The following CNTNAP2 variants were observed in gnomAD, a reference collection of about 807,000 sequenced individuals.
CNTNAP2 encodes contactin-associated protein-like 2.
A neutral mutation model predicts 155.2 loss-of-function variants in CNTNAP2; 98 were observed. That is an observed-to-expected ratio of 0.63 (90% CI 0.54 to 0.75). The LOEUF (loss-of-function observed/expected upper bound fraction) is 0.75, where lower values mean the gene tolerates loss of function less well. CNTNAP2 is among the 30% of genes least tolerant of loss of function. The pLI, the probability that CNTNAP2 is intolerant of heterozygous loss-of-function variation, is 0.00. For missense variants in CNTNAP2, 1,727 were observed against 1,688.1 expected (o/e 1.02, Z -0.40); for synonymous variants, 651 against 631.2 (o/e 1.03, Z -0.47).
chr7:146,345,007 G>C (rs192711033), intron 1 of CNTNAP2, among the ~76,000 whole-genome samples: 42 of 152,312 alleles, frequency 2.8e-4, no homozygotes, highest in African/African-American at 8.9e-4. Flanking sequence ...TCAATGAACA[G>C]ATGGTTCTGC....
At chr7:147,727,148 A>G (rs1316281457) in intron 13 of CNTNAP2, among the ~76,000 whole-genome samples, 2 of 151,996 alleles carry the variant, frequency 1.3e-5, no homozygotes, top group Non-Finnish European at 2.9e-5. Context: ...TAGCATCCTG[A>G]GTGCCTCCCC....
chr7:146,787,293 C>T (rs181439389), intron 2 of CNTNAP2, among the ~76,000 whole-genome samples: 69 of 152,242 alleles, frequency 4.5e-4, no homozygotes, highest in African/African-American at 1.0e-3. Flanking sequence ...TTTTTGGTCT[C>T]GCTGACTTCA....
intron 9 of CNTNAP2, among the ~76,000 whole-genome samples, chr7:147,375,648 G>C (rs1286213339): frequency 6.6e-6 from 1 of 151,960 alleles, no homozygotes; most frequent in African/African-American, 2.4e-5. Flanking sequence ...TTCTGGCATT[G>C]AGTGGTGTAG....
chr7:147,144,439 A>G (rs1801660067), intron 8 of CNTNAP2, among the ~76,000 whole-genome samples: 1 of 152,184 alleles, frequency 6.6e-6, no homozygotes, highest in Non-Finnish European at 1.5e-5. Context: ...AATAGAGCTA[A>G]CACATTCTCC....
intron 1 of CNTNAP2, among the ~76,000 whole-genome samples, chr7:146,258,715 G>A (rs936258605): frequency 1.3e-5 from 2 of 152,106 alleles, no homozygotes; most frequent in African/African-American, 4.8e-5. Flanking sequence ...CCTGATTTAC[G>A]AATATAAAGC....
chr7:148,012,516 T>C (rs1025902246), intron 15 of CNTNAP2, among the ~76,000 whole-genome samples: 2 of 152,208 alleles, frequency 1.3e-5, no homozygotes, highest in African/African-American at 4.8e-5. Context: ...CAATACTGTA[T>C]GGTGCTCTTC....
At chr7:146,534,259 C>T (rs981008628) in intron 1 of CNTNAP2, among the ~76,000 whole-genome samples, 95 of 152,034 alleles carry the variant, frequency 6.2e-4, no homozygotes, top group African/African-American at 2.2e-3. Context: ...GATACTTTCT[C>T]GTATTCTGGG....
chr7:146,692,233 T>C (rs140390620), intron 1 of CNTNAP2, among the ~76,000 whole-genome samples: 18 of 152,322 alleles, frequency 1.2e-4, no homozygotes, highest in African/African-American at 4.1e-4. Flanking sequence ...AACATTTACA[T>C]AGAGACCTGT....
intron 13 of CNTNAP2, among the ~76,000 whole-genome samples, chr7:147,862,847 C>T (rs118180701): frequency 0.011 from 1,671 of 152,196 alleles, 91 homozygotes; most frequent in Admixed American, 0.09. Flanking sequence ...ATTCACAACA[C>T]TAAAGATACA....
chr7:147,878,488 T>C (rs959128254), intron 13 of CNTNAP2, among the ~76,000 whole-genome samples: 9 of 152,138 alleles, frequency 5.9e-5, no homozygotes, highest in African/African-American at 2.2e-4. Context: ...AAAGTTATTG[T>C]TTGTTATATA....
intron 15 of CNTNAP2, among the ~76,000 whole-genome samples, chr7:148,076,009 G>A (rs577076748): frequency 6.6e-6 from 1 of 152,268 alleles, no homozygotes; most frequent in African/African-American, 2.4e-5. Flanking sequence ...ATTTAGACAA[G>A]TAAACACCTG....
intron 3 of CNTNAP2, among the ~76,000 whole-genome samples, chr7:147,029,163 C>T (rs1008543979): frequency 1.1e-4 from 16 of 151,776 alleles, no homozygotes; most frequent in Non-Finnish European, 1.6e-4. Context: ...CGGGATTTCA[C>T]CATGTTAGCC....
chr7:147,652,929 C>T (rs1168544182), intron 13 of CNTNAP2, among the ~76,000 whole-genome samples: 1 of 152,078 alleles, frequency 6.6e-6, no homozygotes, highest in Non-Finnish European at 1.5e-5. Context: ...TTTATAAGAG[C>T]TGCACAAACT....
intron 2 of CNTNAP2, among the ~76,000 whole-genome samples, chr7:146,837,446 TA>T: frequency 6.6e-6 from 1 of 152,276 alleles, no homozygotes; most frequent in Admixed American, 6.5e-5. Flanking sequence ...TTTGCATTTT[TA>T]AAAAATGTTT....
chr7:146,843,377 G>A (rs961748641), intron 3 of CNTNAP2, among the ~76,000 whole-genome samples: 6 of 151,968 alleles, frequency 3.9e-5, no homozygotes, highest in Non-Finnish European at 2.9e-5. Flanking sequence ...ATCAACAAGC[G>A]GGAAGTCCAC....
chr7:146,854,488 A>T (rs1156842182), intron 3 of CNTNAP2, among the ~76,000 whole-genome samples: 1 of 152,154 alleles, frequency 6.6e-6, no homozygotes. Flanking sequence ...TGTTATTGGA[A>T]TAGCTCTCTA....
rs555656896 is a variant in CNTNAP2 at position 147,716,467 on chromosome 7, C to T, written c.2098+77161C>T. Among the ~76,000 whole-genome samples, 22 of 152,122 alleles carry T rather than the reference C, an allele frequency of 1.4e-4. No homozygotes were observed. In the South Asian group the frequency reaches 3.3e-3, roughly 23 times the overall value. ...GACTAAGTGTGCCATTGGCATAGGG[C>T]GCAAATTTCTGGCAGCTCCCACCCT... On this transcript the variant is annotated intron_variant, in intron 13 of 23. Transcript: ENST00000361727.
At chr7:147,243,060 C>T (rs865869844) in intron 8 of CNTNAP2, among the ~76,000 whole-genome samples, 4 of 117,086 alleles carry the variant, frequency 3.4e-5, no homozygotes, top group African/African-American at 6.6e-5. Context: ...TGCAGTGGTG[C>T]GATCCTAGCT....
At chr7:147,526,175 G>C (rs1308637283) in intron 11 of CNTNAP2, among the ~76,000 whole-genome samples, 4 of 145,654 alleles carry the variant, frequency 2.7e-5, no homozygotes, top group Non-Finnish European at 3.0e-5. Flanking sequence ...CTGGGAGACA[G>C]AGTGAGACTC....
Sources: allele counts gnomAD v4.1 joint callset (sites outside exome capture counted in the v4.1 genomes callset), GRCh38; gene constraint gnomAD v4.1.1; transcripts MANE v1.5; gene names NCBI Gene and HGNC (gene_info 2026-07-23, HGNC 2026-07-21).